Variants in GPC6 observed in about 807,000 individuals in gnomAD.
The protein encoded by GPC6 is glypican-6.
GPC6 carries 14 observed loss-of-function variants against 55.2 expected under a neutral mutation model. The ratio of observed to expected loss-of-function variants is 0.25; its 90% confidence interval spans 0.17 to 0.40. The LOEUF is 0.40. Ranked by LOEUF, GPC6 falls within the 10% of genes least tolerant of loss-of-function variation. The pLI is 1.00. For missense variants in GPC6, 641 were observed against 708.5 expected, an observed-to-expected ratio of 0.90 and a Z score of 1.08; for synonymous variants, 278 against 259.6, an observed-to-expected ratio of 1.07 and a Z score of -0.68.
At chr13:93,720,549 T>C (rs145036436) in intron 2 of GPC6, among the ~76,000 whole-genome samples, 22,110 of 151,966 alleles carry the variant, frequency 0.15, 2,807 homozygotes, top group South Asian at 0.32. Context: ...GAAGGGTTTT[T>C]CCTGTCTCTA....
At chr13:94,271,382 G>GCACACACACACACACA (rs60762188) in intron 4 of GPC6, among the ~76,000 whole-genome samples, 2 of 126,684 alleles carry the variant, frequency 1.6e-5, no homozygotes, top group African/African-American at 3.0e-5. Context: ...GCGCGCGCGC[G>GCACACACACACACACA]CACACACACA....
intron 2 of GPC6, among the ~76,000 whole-genome samples, chr13:93,717,490 G>C (rs1204833882): frequency 6.6e-6 from 1 of 151,568 alleles, no homozygotes; most frequent in Non-Finnish European, 1.5e-5. Context: ...AAGTCATGTG[G>C]AATGAATATA....
At chr13:93,682,225 C>T (rs780209223) in intron 2 of GPC6, among the ~76,000 whole-genome samples, 2 of 152,082 alleles carry the variant, frequency 1.3e-5, no homozygotes, top group Non-Finnish European at 2.9e-5. Context: ...GGGGCAGTGT[C>T]CCAGGAGCAA....
At chr13:93,977,423 T>C (rs1324254174) in intron 3 of GPC6, among the ~76,000 whole-genome samples, 1 of 151,850 alleles carries the variant, frequency 6.6e-6, no homozygotes, top group East Asian at 1.9e-4. Flanking sequence ...TGTGCTGTTA[T>C]TCCAAGCCAA....
intron 2 of GPC6, among the ~76,000 whole-genome samples, chr13:93,685,783 A>G (rs371266616): frequency 9.5e-4 from 144 of 152,256 alleles, no homozygotes; most frequent in East Asian, 2.5e-3. Flanking sequence ...TTAAGGGGGC[A>G]TGTTATATTT....
intron 4 of GPC6, among the ~76,000 whole-genome samples, chr13:94,266,160 T>TTTTGTTTG (rs1555313269): frequency 2.7e-5 from 4 of 148,110 alleles, no homozygotes; most frequent in African/African-American, 7.6e-5. Context: ...TCTTTTTTTT[T>TTTTGTTTG]TTTGTTTGTT....
In GPC6 at chr13:94,046,844, T is replaced by C. The variant is rs76538940; in HGVS notation, c.877+18950T>C. ...GAATCTTGTCTCATTAGTTAAAAGGTACCTGCCTTTCTTAGTTGTTAGGAC... is the reference window on the plus strand; with the variant it reads ...GAATCTTGTCTCATTAGTTAAAAGGCACCTGCCTTTCTTAGTTGTTAGGAC... On this transcript the variant is annotated intron_variant, in intron 4 of 8. Coordinates refer to ENST00000377047, the MANE Select transcript of GPC6 (RefSeq NM_005708.5). Among the ~76,000 whole-genome samples, 470 of 152,284 alleles carry C rather than the reference T, an allele frequency of 3.1e-3. 19 individuals are homozygous for C. The East Asian group carries it at 0.085, about 27-fold the overall frequency.
intron 2 of GPC6, among the ~76,000 whole-genome samples, chr13:93,625,345 G>C (rs1189002752): frequency 6.6e-6 from 1 of 152,154 alleles, no homozygotes; most frequent in Non-Finnish European, 1.5e-5. Context: ...TTATAAAAAA[G>C]AAAGTAATTA....
At chr13:93,240,295 G>A (rs555114835) in intron 1 of GPC6, among the ~76,000 whole-genome samples, 22 of 152,128 alleles carry the variant, frequency 1.4e-4, no homozygotes, top group East Asian at 7.7e-4. Flanking sequence ...TTACAAATCC[G>A]GAAGCTCTGG....
At chr13:93,977,016 A>C (rs1038727565) in intron 3 of GPC6, among the ~76,000 whole-genome samples, 1 of 152,090 alleles carries the variant, frequency 6.6e-6, no homozygotes, top group African/African-American at 2.4e-5. Context: ...GTTAAATTAT[A>C]ATAAGTGATG....
At chr13:93,280,758 A>C (rs1423288917) in intron 1 of GPC6, among the ~76,000 whole-genome samples, 6 of 152,236 alleles carry the variant, frequency 3.9e-5, no homozygotes, top group Non-Finnish European at 8.8e-5. Context: ...CATGGAAGGT[A>C]ATTTTTCTGT....
intron 6 of GPC6, among the ~76,000 whole-genome samples, chr13:94,327,334 T>A (rs1160105757): frequency 6.6e-6 from 1 of 152,288 alleles, no homozygotes; most frequent in East Asian, 1.9e-4. Context: ...GAGCATCTCA[T>A]TGCAGATGTT....
intron 2 of GPC6, among the ~76,000 whole-genome samples, chr13:93,746,167 C>G (rs1276753928): frequency 1.3e-5 from 2 of 152,150 alleles, no homozygotes; most frequent in African/African-American, 4.8e-5. Context: ...CACATGCAAA[C>G]ATTTATAGCA....
At chr13:93,343,344 C>T (rs1880324906) in intron 1 of GPC6, among the ~76,000 whole-genome samples, 2 of 152,232 alleles carry the variant, frequency 1.3e-5, no homozygotes, top group Non-Finnish European at 2.9e-5. Flanking sequence ...GAGAGGGTCC[C>T]ATCTGTTCAG....
At position 94,109,700 on chromosome 13, in the gene GPC6, C is replaced by A. The variant is rs117625612; in HGVS notation, c.877+81806C>A. On this transcript the variant is annotated intron_variant, in intron 4 of 8. Transcript: ENST00000377047. ...AACCATGATTTGTGTGTATTATGGA[C>A]AAAAATTCATCATAATTCTAATAGA... Among the ~76,000 whole-genome samples the A allele has an allele frequency of 4.3e-4, 65 of 152,154 alleles. No individual in the cohort carries two copies. In the East Asian group the frequency reaches 6.2e-3, roughly 14 times the overall value.
chr13:94,378,380 A>G (rs934522166), intron 6 of GPC6, among the ~76,000 whole-genome samples: 1 of 152,184 alleles, frequency 6.6e-6, no homozygotes, highest in African/African-American at 2.4e-5. Context: ...TTTGTCACAG[A>G]AGAGTACTTA....
chr13:94,361,099 A>G (rs998853455), intron 6 of GPC6, among the ~76,000 whole-genome samples: 1 of 152,262 alleles, frequency 6.6e-6, no homozygotes, highest in Non-Finnish European at 1.5e-5. Context: ...AGACATCAAC[A>G]GCTACCTTTC....
intron 4 of GPC6, among the ~76,000 whole-genome samples, chr13:94,030,701 G>C (rs1163244131): frequency 6.6e-6 from 1 of 152,108 alleles, no homozygotes; most frequent in Non-Finnish European, 1.5e-5. Flanking sequence ...GCTGTCAGTT[G>C]CATGTACCTT....
chr13:94,055,989 C>T (rs1257319119), intron 4 of GPC6, among the ~76,000 whole-genome samples: 1 of 152,110 alleles, frequency 6.6e-6, no homozygotes, highest in Non-Finnish European at 1.5e-5. Flanking sequence ...CACCACCTAA[C>T]AGGACTCTGA....
Sources: allele counts gnomAD v4.1 joint callset (sites outside exome capture counted in the v4.1 genomes callset), GRCh38; gene constraint gnomAD v4.1.1; transcripts MANE v1.5; gene names NCBI Gene and HGNC (gene_info 2026-07-23, HGNC 2026-07-21).